EML6: variants seen among roughly 807,000 people sequenced by gnomAD.
The protein encoded by EML6 is echinoderm microtubule-associated protein-like 6.
EML6 carries 154 observed loss-of-function variants against 240.1 expected under a neutral mutation model. The ratio of observed to expected loss-of-function variants is 0.64; its 90% CI spans 0.56 to 0.73. EML6 has a LOEUF of 0.73. EML6 is among the 30% of genes least tolerant of loss of function. The pLI, the probability that EML6 is intolerant of heterozygous loss-of-function variation, is 0.00. For missense variants in EML6, 2,964 were observed against 2,474.6 expected, an observed-to-expected ratio of 1.20 and a Z score of -4.20; for synonymous variants, 1,148 against 899.0, an observed-to-expected ratio of 1.28 and a Z score of -4.95.
chr2:54,826,723 C>T (rs1668615532), intron 5 of EML6, among the ~76,000 whole-genome samples: 1 of 152,054 alleles, frequency 6.6e-6, no homozygotes, highest in South Asian at 2.1e-4. Context: ...ACACAATGGA[C>T]ACATTTTATG....
At chr2:54,956,905 A>T (rs989479813) in intron 32 of EML6, among the ~76,000 whole-genome samples, 2 of 152,236 alleles carry the variant, frequency 1.3e-5, no homozygotes, top group African/African-American at 2.4e-5. Context: ...TAATGAGATT[A>T]AAAAAGAGGT....
At chr2:54,803,005 G>A (rs549765881) in intron 2 of EML6, among the ~76,000 whole-genome samples, 1 of 152,280 alleles carries the variant, frequency 6.6e-6, no homozygotes, top group South Asian at 2.1e-4. Flanking sequence ...AGACTGGGGT[G>A]AAACAGGTCC....
At chr2:54,910,632 A>G (rs1046680342) in intron 24 of EML6, among the ~76,000 whole-genome samples, 4 of 152,104 alleles carry the variant, frequency 2.6e-5, no homozygotes, top group Admixed American at 2.0e-4. Context: ...AAACAGGGGG[A>G]AAACTGATTT....
intron 9 of EML6, among the ~76,000 whole-genome samples, chr2:54,848,254 C>A (rs1669876302): frequency 6.6e-6 from 1 of 152,138 alleles, no homozygotes; most frequent in African/African-American, 2.4e-5. Flanking sequence ...CCTCTGAATG[C>A]ATTTGTCGTT....
intron 28 of EML6, among the ~76,000 whole-genome samples, chr2:54,931,041 T>TCACTGAA (rs1462994466): frequency 7.0e-6 from 1 of 142,286 alleles, no homozygotes; most frequent in Non-Finnish European, 1.5e-5. Flanking sequence ...CACTGCAAGC[T>TCACTGAA]CCGCCTCCCG....
At chr2:54,857,269 G>A (rs997525089) in intron 11 of EML6, among the ~76,000 whole-genome samples, 2 of 152,152 alleles carry the variant, frequency 1.3e-5, no homozygotes, top group African/African-American at 4.8e-5. Context: ...GCACTTGGCA[G>A]TCACGTTGAC....
chr2:54,818,908 A>C (rs573432219), intron 4 of EML6, among the ~76,000 whole-genome samples: 1 of 152,216 alleles, frequency 6.6e-6, no homozygotes, highest in Non-Finnish European at 1.5e-5. Context: ...GATTATCCTC[A>C]AGATTATTTT....
intron 2 of EML6, among the ~76,000 whole-genome samples, chr2:54,750,477 G>A (rs1684110218): frequency 6.6e-6 from 1 of 152,176 alleles, no homozygotes; most frequent in African/African-American, 2.4e-5. Flanking sequence ...TTGGCCTAAG[G>A]AAACAAAGGA....
chr2:54,747,552 C>G (rs1683967447), intron 2 of EML6: 1 of 152,172 alleles, frequency 6.6e-6, no homozygotes. Context: ...CCTTACTTAT[C>G]ACTAGGCTAG....
intron 24 of EML6, among the ~76,000 whole-genome samples, chr2:54,904,622 A>G (rs1673222698): frequency 6.6e-6 from 1 of 152,210 alleles, no homozygotes; most frequent in African/African-American, 2.4e-5. Context: ...ATGAAGAAAT[A>G]GAAGTGCTCA....
intron 2 of EML6, among the ~76,000 whole-genome samples, chr2:54,730,256 T>G (rs546408757): frequency 6.6e-6 from 1 of 152,218 alleles, no homozygotes; most frequent in Non-Finnish European, 1.5e-5. Flanking sequence ...TAGTCAAAAT[T>G]GTGACATGGC....
At chr2:54,753,638 C>T (rs561207781) in intron 2 of EML6, among the ~76,000 whole-genome samples, 11 of 150,672 alleles carry the variant, frequency 7.3e-5, no homozygotes, top group Non-Finnish European at 1.3e-4. Context: ...CTCCCTAGGG[C>T]CCCCAGTAAG....
intron 36 of EML6, among the ~76,000 whole-genome samples, chr2:54,963,129 G>C (rs3821111): frequency 0.1 from 15,084 of 150,168 alleles, 868 homozygotes; most frequent in East Asian, 0.18. Flanking sequence ...TGGGCGGAGC[G>C]GGGTGGGTGG....
Position 54,957,734 on chromosome 2 carries a change from C to A in EML6, c.4487-56C>A, listed in dbSNP as rs150617082. 1.7e-5 allele frequency: 25 copies of A among 1,511,422 alleles called. No homozygotes were observed. In the African/African-American group the frequency reaches 3.0e-4, roughly 18 times the overall value. The allele number at this position is 1,511,422 out of a possible 1,614,324, so 93.6% of individuals were successfully genotyped here. A position where few individuals can be genotyped will look rare whatever the true frequency, so the allele number is the denominator to read the frequency against. ...TGGAGACCTCCTGGGCTGCGGCTCC[C>A]CCGGCCTGGCCCATGAAGCAATGAG... is the stretch of plus-strand genomic sequence containing the variant. On this transcript the variant is annotated intron_variant, in intron 32 of 41. Transcript: ENST00000356458.
chr2:54,757,552 C>T (rs989292152), intron 2 of EML6, among the ~76,000 whole-genome samples: 9 of 152,072 alleles, frequency 5.9e-5, no homozygotes, highest in Non-Finnish European at 1.2e-4. Flanking sequence ...TTCACAAGGC[C>T]GCCGACTCAC....
At chr2:54,797,917 T>C (rs1189796531) in intron 2 of EML6, among the ~76,000 whole-genome samples, 1 of 152,178 alleles carries the variant, frequency 6.6e-6, no homozygotes, top group African/African-American at 2.4e-5. Flanking sequence ...AGATTTAATA[T>C]AGTGTGAGTC....
chr2:54,967,161 C>A, intron 39 of EML6, 58 bp downstream of exon 39: 1 of 1,126,226 alleles, frequency 8.9e-7, no homozygotes, highest in Non-Finnish European at 1.3e-6. Flanking sequence ...TCTTGTCTCA[C>A]TCAGGCTCAG....
In EML6 at chr2:54,891,889, G is replaced by A. The variant is rs1672487237; in HGVS notation, c.2540-565G>A. Among the ~76,000 whole-genome samples the A allele has an allele frequency of 2.0e-5, 3 of 152,130 alleles. No individual in the cohort carries two copies. The South Asian group carries it at 6.2e-4, about 32-fold the overall frequency. ...TGTGGGGAAATGTGAATGTGTAAGG[G>A]ACAAATCTAATGGCTTGTCCCGTAT... On this transcript the variant is annotated intron_variant, in intron 18 of 41. Transcript: ENST00000356458.
intron 9 of EML6, among the ~76,000 whole-genome samples, chr2:54,847,867 A>C (rs899253907): frequency 6.6e-6 from 1 of 152,232 alleles, no homozygotes; most frequent in African/African-American, 2.4e-5. Context: ...TTTATAATCT[A>C]GTAATCTCTT....
Sources: gnomAD v4.1 joint callset for allele counts (sites outside exome capture counted in the v4.1 genomes callset) on GRCh38, gnomAD v4.1.1 for gene constraint, MANE v1.5 for transcripts, NCBI Gene and HGNC (gene_info 2026-07-23, HGNC 2026-07-21) for gene names.